Variants in URGCP observed in about 807,000 individuals in gnomAD.
URGCP encodes the protein upregulator of cell proliferation.
A neutral mutation model predicts 24.6 loss-of-function variants in URGCP; 13 were observed. The observed-to-expected ratio is 0.53, with a 90% CI of 0.34 to 0.84. URGCP has a LOEUF of 0.84. Ranked by LOEUF, URGCP falls within the 40% of genes least tolerant of loss-of-function variation. The pLI, the probability that URGCP is intolerant of heterozygous loss-of-function variation, is 0.01. For synonymous variants in URGCP, 444 were observed against 487.2 expected, an observed-to-expected ratio of 0.91 and a Z score of 1.17; for missense variants, 899 against 1,194.3, an observed-to-expected ratio of 0.75 and a Z score of 3.64.
chr7:43,914,576 G>T (rs1414744046), intron 1 of URGCP, among the ~76,000 whole-genome samples: 1 of 152,028 alleles, frequency 6.6e-6, no homozygotes, highest in Non-Finnish European at 1.5e-5. Flanking sequence ...ACTTGTGTTA[G>T]AGGCATTTGA....
At chr7:43,918,318 C>T (rs2095917742) in intron 1 of URGCP, among the ~76,000 whole-genome samples, 1 of 150,884 alleles carries the variant, frequency 6.6e-6, no homozygotes, top group South Asian at 2.1e-4. Context: ...TTTCCTTTCC[C>T]TTCTCCTTTC....
At chr7:43,902,373 G>A (rs2095892798) in intron 1 of URGCP, among the ~76,000 whole-genome samples, 2 of 152,090 alleles carry the variant, frequency 1.3e-5, no homozygotes, top group Non-Finnish European at 2.9e-5. Flanking sequence ...CCTCTATATA[G>A]CTAAGCATTC....
chr7:43,886,965 T>C (rs2132667258), intron 3 of URGCP, among the ~76,000 whole-genome samples: 1 of 152,220 alleles, frequency 6.6e-6, no homozygotes, highest in East Asian at 1.9e-4. Context: ...CAAGCCCCAG[T>C]GTGCTCTGGG....
chr7:43,925,965 A>T (rs2132739342), intron 1 of URGCP, among the ~76,000 whole-genome samples: 1 of 152,264 alleles, frequency 6.6e-6, no homozygotes, highest in African/African-American at 2.4e-5. Flanking sequence ...GCATAGTCTA[A>T]GGCCAGGGTT....
upstream of URGCP, chr7:43,910,640 A>G (rs2095909147): frequency 6.6e-6 from 1 of 152,058 alleles, no homozygotes; most frequent in African/African-American, 2.4e-5. Flanking sequence ...GGATCACTTG[A>G]GCCCAGGAGT....
At chr7:43,886,047 T>C (rs1341351255) in intron 3 of URGCP, among the ~76,000 whole-genome samples, 1 of 152,232 alleles carries the variant, frequency 6.6e-6, no homozygotes, top group Non-Finnish European at 1.5e-5. Context: ...TTAAGTTCCA[T>C]GAAGGGCTTT....
chr7:43,893,253 C>G (rs538963619), intron 1 of URGCP, among the ~76,000 whole-genome samples: 1 of 151,624 alleles, frequency 6.6e-6, no homozygotes, highest in East Asian at 1.9e-4. Flanking sequence ...CACCTGAGCC[C>G]TGGAAGGTCA....
At chr7:43,914,118 T>C (rs1190892281) in intron 1 of URGCP, among the ~76,000 whole-genome samples, 1 of 152,188 alleles carries the variant, frequency 6.6e-6, no homozygotes, top group Non-Finnish European at 1.5e-5. Flanking sequence ...CTCAGCTCCC[T>C]AAGTAGCTGG....
At chr7:43,910,382 ATTTTTTTTTTTTT>A (rs1158648185), upstream of URGCP, among the ~76,000 whole-genome samples, 1 of 90,090 alleles carries the variant, frequency 1.1e-5, no homozygotes, top group Non-Finnish European at 2.0e-5. Context: ...TGTCTGGCTA[ATTTTTTTTTTTTT>A]TTTTTTTTTT....
Position 43,895,286 on chromosome 7 carries a change from G to C in URGCP, c.15-7470C>G, listed in dbSNP as rs188029247. 3.9e-3 allele frequency among the ~76,000 whole-genome samples: 591 copies of C among 152,072 alleles called. 3 individuals carry two copies. The highest frequency in any genetic ancestry group is 6.6e-3 in the Non-Finnish European group (451 of 67,978). ...TCTCAAAAGACATATATATGGCCAA[G>C]AAATAAACGAAAAAATGCTCAACAT... On this transcript the variant is annotated intron_variant, in intron 1 of 5. Coordinates refer to ENST00000453200, the MANE Select transcript of URGCP (RefSeq NM_001077663.3).
At chr7:43,920,360 G>A (rs2095920905) in intron 1 of URGCP, among the ~76,000 whole-genome samples, 1 of 152,166 alleles carries the variant, frequency 6.6e-6, no homozygotes. Context: ...ATGAGTTCAA[G>A]ACTAGCCTGG....
chr7:43,906,599 CG>C, upstream of URGCP: 2 of 1,213,086 alleles, frequency 1.6e-6, no homozygotes. Flanking sequence ...TCTCCGCTCC[CG>C]CCTCCTTCGC....
chr7:43,919,961 G>A, intron 1 of URGCP: 1 of 1,349,914 alleles, frequency 7.4e-7, no homozygotes, highest in Admixed American at 1.7e-5. Flanking sequence ...TTGATGAGAT[G>A]GACACAACAC....
rs2132724529 is a variant in URGCP at position 43,913,195 on chromosome 7, G to C, written c.-116+12937C>G. 2.0e-5 allele frequency among the ~76,000 whole-genome samples: 3 copies of C among 151,888 alleles called. No homozygotes were observed. The Middle Eastern group carries it at 0.01, about 517-fold the overall frequency. ...ACAATTTGCCAGATATAAGATTCTTGGTTGACAGTTTTTTTTGTTTGTTTG... is the reference window on the plus strand; with the variant it reads ...ACAATTTGCCAGATATAAGATTCTTCGTTGACAGTTTTTTTTGTTTGTTTG... On this transcript the variant is annotated intron_variant, in intron 1 of 5. Coordinates refer to the URGCP transcript ENST00000426198.
chr7:43,881,151 A>C (rs569693011), intron 5 of URGCP: 4 of 700,108 alleles, frequency 5.7e-6, no homozygotes, highest in East Asian at 5.4e-5. Flanking sequence ...CCAGACATGG[A>C]ATAACTTTTT....
intron 1 of URGCP, among the ~76,000 whole-genome samples, chr7:43,918,277 A>G (rs1334776258): frequency 6.6e-6 from 1 of 151,598 alleles, no homozygotes; most frequent in Admixed American, 6.6e-5. Flanking sequence ...AAAAAAAAAA[A>G]AAAAGAAAGA....
In URGCP at chr7:43,918,856, A is replaced by G. The variant is rs1221982032; in HGVS notation, c.-116+7276T>C. On this transcript the variant is annotated intron_variant, in intron 1 of 5. Coordinates refer to the URGCP transcript ENST00000426198. Reference sequence around the variant, plus strand: ...GACCACAAGGACATCTTTTTCTACCAGGCAGACGATGAGCACTACATCCCC... The same window carrying G: ...GACCACAAGGACATCTTTTTCTACCGGGCAGACGATGAGCACTACATCCCC... The G allele has an allele frequency of 2.9e-6, 4 of 1,386,322 alleles. No homozygotes were observed. In the African/African-American group the frequency reaches 5.6e-5, roughly 19 times the overall value. The allele number at this position is 1,386,322 out of a possible 1,614,324, so 85.9% of individuals were successfully genotyped here.
chr7:43,901,127 T>C (rs781206743), intron 1 of URGCP, among the ~76,000 whole-genome samples: 1 of 152,234 alleles, frequency 6.6e-6, no homozygotes, highest in Non-Finnish European at 1.5e-5. Flanking sequence ...AATAACTTAA[T>C]ATACGCAACA....
At chr7:43,894,275 T>A (rs996572769) in intron 1 of URGCP, among the ~76,000 whole-genome samples, 4 of 152,156 alleles carry the variant, frequency 2.6e-5, no homozygotes, top group Admixed American at 2.6e-4. Flanking sequence ...AAATATACAT[T>A]CTTCTCACCA....
Sources: allele counts gnomAD v4.1 joint callset (sites outside exome capture counted in the v4.1 genomes callset), GRCh38; gene constraint gnomAD v4.1.1; transcripts MANE v1.5; gene names NCBI Gene and HGNC (gene_info 2026-07-23, HGNC 2026-07-21).